CDKAL1: variants seen among roughly 807,000 people sequenced by gnomAD.
The protein encoded by CDKAL1 is CDKAL1 threonylcarbamoyladenosine tRNA methylthiotransferase.
In CDKAL1, 32 loss-of-function variants were observed where a neutral mutation model predicts 68.2. The ratio of observed to expected loss-of-function variants is 0.47; its 90% CI spans 0.35 to 0.63. The LOEUF is 0.63. Among genes scored for constraint, CDKAL1 ranks in the 30% least tolerant of loss-of-function variants. The pLI, the probability that CDKAL1 is intolerant of heterozygous loss-of-function variation, is 0.00. For missense variants in CDKAL1, 606 were observed against 696.7 expected (o/e 0.87, Z 1.47); for synonymous variants, 234 against 244.3 (o/e 0.96, Z 0.39).
At chr6:20,536,970 C>G (rs1039037008) in intron 2 of CDKAL1, among the ~76,000 whole-genome samples, 3 of 152,156 alleles carry the variant, frequency 2.0e-5, no homozygotes, top group African/African-American at 7.2e-5. Context: ...GATATTGATG[C>G]CCAGGCTCCA....
intron 5 of CDKAL1, among the ~76,000 whole-genome samples, chr6:20,731,138 G>A (rs1581465393): frequency 6.6e-6 from 1 of 152,188 alleles, no homozygotes; most frequent in South Asian, 2.1e-4. Context: ...GGGAAGGAAC[G>A]CAGAAGGGAG....
At chr6:20,846,608 A>G (rs1043150029) in intron 9 of CDKAL1, among the ~76,000 whole-genome samples, 1 of 152,208 alleles carries the variant, frequency 6.6e-6, no homozygotes, top group Non-Finnish European at 1.5e-5. Flanking sequence ...TTTGAAGAAG[A>G]TAAGTTTTCA....
At chr6:21,206,265 ATAAG>A (rs1325659866) in intron 15 of CDKAL1, among the ~76,000 whole-genome samples, 9 of 152,320 alleles carry the variant, frequency 5.9e-5, no homozygotes, top group Non-Finnish European at 1.3e-4. Flanking sequence ...CAAAAAAATA[ATAAG>A]TAAGAGAGAG....
chr6:20,753,770 G>A lies in CDKAL1; in HGVS notation c.469-4825G>A, dbSNP rs1175464261. Among the ~76,000 whole-genome samples the A allele has an allele frequency of 2.0e-5, 3 of 151,972 alleles. 1 individual carries two copies. Among genetic ancestry groups the A allele is most frequent in the Non-Finnish European group, 4.4e-5 (3 of 67,992 alleles). ...TGTGTACAAGTTTTTTTATGGACAT[G>A]TTTTCATTTTTCTTGGAGTTATAAC... On this transcript the variant is annotated intron_variant, in intron 6 of 15. Transcript: ENST00000274695.
chr6:20,667,147 TA>T (rs1769587142), intron 5 of CDKAL1, among the ~76,000 whole-genome samples: 1 of 152,174 alleles, frequency 6.6e-6, no homozygotes, highest in Non-Finnish European at 1.5e-5. Context: ...TTTTCCAAAG[TA>T]AATGATGTTT....
chr6:20,864,325 A>G (rs1759795241), intron 9 of CDKAL1, among the ~76,000 whole-genome samples: 1 of 134,362 alleles, frequency 7.4e-6, no homozygotes, highest in Admixed American at 7.6e-5. Flanking sequence ...AAAATAGCTT[A>G]CTTTGAGTTA....
At chr6:21,043,697 G>A (rs750175631) in intron 11 of CDKAL1, among the ~76,000 whole-genome samples, 18 of 152,040 alleles carry the variant, frequency 1.2e-4, no homozygotes, top group Non-Finnish European at 1.8e-4. Context: ...ACTTTCTGTC[G>A]TATTCGGTTT....
intron 8 of CDKAL1, among the ~76,000 whole-genome samples, chr6:20,807,411 T>TG (rs1195966885): frequency 1.3e-5 from 2 of 152,004 alleles, no homozygotes; most frequent in Non-Finnish European, 2.9e-5. Context: ...TTTGTAGAGA[T>TG]GGGGTTTCGC....
At chr6:20,575,457 A>G (rs990041657) in intron 4 of CDKAL1, among the ~76,000 whole-genome samples, 1 of 151,604 alleles carries the variant, frequency 6.6e-6, no homozygotes, top group Non-Finnish European at 1.5e-5. Flanking sequence ...AAAAAAAAAA[A>G]AAAAAGAAAG....
chr6:20,880,187 A>G (rs936181675), intron 9 of CDKAL1, among the ~76,000 whole-genome samples: 4 of 152,234 alleles, frequency 2.6e-5, no homozygotes, highest in Admixed American at 2.0e-4. Flanking sequence ...TAGAGTGGGA[A>G]TGCGAGATAA....
At chr6:20,820,244 G>A (rs1227771898) in intron 8 of CDKAL1, among the ~76,000 whole-genome samples, 1 of 152,122 alleles carries the variant, frequency 6.6e-6, no homozygotes, top group East Asian at 1.9e-4. Context: ...GTCACCTGTG[G>A]TTATGTCCAT....
intron 7 of CDKAL1, among the ~76,000 whole-genome samples, chr6:20,762,098 A>G (rs145802544): frequency 6.6e-5 from 10 of 152,332 alleles, no homozygotes; most frequent in African/African-American, 1.7e-4. Context: ...AATCTATTTT[A>G]GGAAATTAAT....
intron 4 of CDKAL1, among the ~76,000 whole-genome samples, chr6:20,561,235 AG>A (rs1299248560): frequency 6.6e-6 from 1 of 152,142 alleles, no homozygotes; most frequent in East Asian, 1.9e-4. Context: ...TGAGGTCAGG[AG>A]TTCGAGACCA....
intron 9 of CDKAL1, among the ~76,000 whole-genome samples, chr6:20,931,865 T>C (rs896781708): frequency 1.3e-5 from 2 of 152,198 alleles, no homozygotes; most frequent in African/African-American, 4.8e-5. Flanking sequence ...AGTTTATGAA[T>C]TAAGGAGTAG....
chr6:20,557,045 AAAAAAAAAT>A (rs200590616), intron 4 of CDKAL1, among the ~76,000 whole-genome samples: 35,207 of 112,690 alleles, frequency 0.31, 4,669 homozygotes, highest in Middle Eastern at 0.37. Context: ...CCATCTCAAA[AAAAAAAAAT>A]AAATAAATAA....
chr6:20,535,427 G>A (rs1260180796), intron 2 of CDKAL1, 33 bp downstream of exon 2: 1 of 152,314 alleles, frequency 6.6e-6, no homozygotes, highest in Non-Finnish European at 1.5e-5. Flanking sequence ...TTATGTTTGA[G>A]TGCTGTGCGT....
chr6:21,206,266 T>C (rs1383787819), intron 15 of CDKAL1, among the ~76,000 whole-genome samples: 1 of 152,094 alleles, frequency 6.6e-6, no homozygotes, highest in Non-Finnish European at 1.5e-5. Context: ...AAAAAAATAA[T>C]AAGTAAGAGA....
At chr6:20,775,638 C>T (rs1319503679) in intron 7 of CDKAL1, among the ~76,000 whole-genome samples, 1 of 152,210 alleles carries the variant, frequency 6.6e-6, no homozygotes, top group African/African-American at 2.4e-5. Context: ...CTCTCCTTTT[C>T]TTTCCAAAGA....
At position 20,875,675 on chromosome 6, in the gene CDKAL1, T is replaced by C. The variant is rs1760475837; in HGVS notation, c.742+29497T>C. On this transcript the variant is annotated intron_variant, in intron 9 of 15. Transcript: ENST00000274695. The stretch of plus-strand genomic sequence containing the variant: ...TGTTCTCTGTCTCTATTACCTTCAC[T>C]AATGAAAAAAAATAGGGTCTGTAAA... Among the ~76,000 whole-genome samples the C allele has an allele frequency of 1.3e-5, 2 of 149,192 alleles. 1 individual carries two copies. The highest frequency in any genetic ancestry group is 4.3e-4 in the South Asian group (2 of 4,664).
Sources: gnomAD v4.1 joint callset for allele counts (sites outside exome capture counted in the v4.1 genomes callset) on GRCh38, gnomAD v4.1.1 for gene constraint, MANE v1.5 for transcripts, NCBI Gene and HGNC (gene_info 2026-07-23, HGNC 2026-07-21) for gene names.